Variants in MBOAT1 observed in about 807,000 individuals in gnomAD.
MBOAT1 encodes membrane bound glycerophospholipid O-acyltransferase 1, also known as membrane-bound glycerophospholipid O-acyltransferase 1.
A neutral mutation model predicts 64.4 loss-of-function variants in MBOAT1; 67 were observed. That is an observed-to-expected ratio of 1.04 (90% CI 0.85 to 1.27). The LOEUF (loss-of-function observed/expected upper bound fraction) is 1.27. Among genes scored for constraint, MBOAT1 ranks in the 50% most tolerant of loss-of-function variants. The pLI is 0.00. For missense variants in MBOAT1, 563 were observed against 604.6 expected (o/e 0.93, Z 0.72); for synonymous variants, 229 against 218.9 (o/e 1.05, Z -0.41).
intron 1 of MBOAT1, among the ~76,000 whole-genome samples, chr6:20,202,140 C>T (rs1334153023): frequency 6.6e-6 from 1 of 152,090 alleles, no homozygotes; most frequent in East Asian, 1.9e-4. Context: ...CAACCTTTTG[C>T]TGTGTACCTT....
chr6:20,143,093 G>A (rs1240646544), intron 4 of MBOAT1, among the ~76,000 whole-genome samples: 1 of 152,194 alleles, frequency 6.6e-6, no homozygotes, highest in Non-Finnish European at 1.5e-5. Context: ...AGGAGGTACA[G>A]TCCAACCTGA....
chr6:20,160,599 C>A (rs992324511), intron 1 of MBOAT1, among the ~76,000 whole-genome samples: 1 of 152,190 alleles, frequency 6.6e-6, no homozygotes, highest in Non-Finnish European at 1.5e-5. Context: ...AATAAACATT[C>A]GGCAACACTG....
At chr6:20,162,803 C>G (rs1761901126) in intron 1 of MBOAT1, among the ~76,000 whole-genome samples, 2 of 152,184 alleles carry the variant, frequency 1.3e-5, no homozygotes, top group African/African-American at 4.8e-5. Flanking sequence ...ACTGATAGAG[C>G]TGAAAGTCCT....
chr6:20,152,637 A>G lies in MBOAT1; in HGVS notation c.232T>C (p.Phe78Leu), dbSNP rs1173879120. Reference sequence around the variant, plus strand: ...GCTCATACTCACCAGCCGAAACAAAAGATGACAAAATAGATGCCAAAAATG... The same window carrying G: ...GCTCATACTCACCAGCCGAAACAAAGGATGACAAAATAGATGCCAAAAATG... ...ATIFGIYFVIFCFGWYSVHLF... is the reference protein window; with the variant it reads ...ATIFGIYFVILCFGWYSVHLF... The change falls in exon 2 of 13, where the codon TTT (phenylalanine) becomes CTT (leucine). Residue 78 changes from phenylalanine to leucine, a missense_variant. Transcript: ENST00000324607. 6.2e-7 allele frequency: 1 copy of G among 1,609,882 alleles called. No individual in the cohort carries two copies. Among genetic ancestry groups the G allele is most frequent in the East Asian group, 2.2e-5 (1 of 44,578 alleles).
intron 5 of MBOAT1, among the ~76,000 whole-genome samples, 173 bp from the exon 6 acceptor site, chr6:20,128,926 A>G (rs1359419456): frequency 2.0e-5 from 3 of 152,126 alleles, no homozygotes; most frequent in Non-Finnish European, 4.4e-5. Context: ...AGAGCTACCC[A>G]TAAGTACACG....
chr6:20,190,014 CGA>C (rs1192056057), intron 1 of MBOAT1, among the ~76,000 whole-genome samples: 2 of 150,344 alleles, frequency 1.3e-5, no homozygotes, highest in Non-Finnish European at 3.0e-5. Flanking sequence ...TTACCTTTTT[CGA>C]GAGAGTCTCA....
Position 20,131,169 on chromosome 6 carries a change from T to TG in MBOAT1, c.449dup (p.Thr151AsnfsTer8). The stretch of plus-strand genomic sequence containing the variant: ...CATCATGAACCTGGAATGCCAAGGT[T>TG]GTGATCTTCTGAGTGACAATCATCA... On this transcript the variant is annotated frameshift_variant, in exon 5 of 13. Coordinates refer to ENST00000324607, the MANE Select transcript of MBOAT1 (RefSeq NM_001080480.3). LOFTEE classifies it high-confidence loss of function. The TG allele has an allele frequency of 6.2e-7, 1 of 1,613,988 alleles. No homozygotes were observed. Among genetic ancestry groups the TG allele is most frequent in the East Asian group, 2.2e-5 (1 of 44,884 alleles).
rs1035078797 is a variant in MBOAT1, at chr6:20,100,501, T to A, written c.*1785A>T. ...GACTCATGCACTAGCTCACATCTAC[T>A]ACTTCTTAACTTCCACTGTCCCAAA... is the stretch of plus-strand genomic sequence containing the variant. On this transcript the variant is annotated 3_prime_UTR_variant, in exon 13 of 13. Coordinates refer to ENST00000324607, the MANE Select transcript of MBOAT1 (RefSeq NM_001080480.3). Among the ~76,000 whole-genome samples the A allele has an allele frequency of 1.6e-4, 24 of 152,308 alleles. No individual in the cohort carries two copies. Among genetic ancestry groups the A allele is most frequent in the African/African-American group, 5.8e-4 (24 of 41,582 alleles).
chr6:20,139,642 C>T (rs1761112249), intron 4 of MBOAT1, among the ~76,000 whole-genome samples: 1 of 147,280 alleles, frequency 6.8e-6, no homozygotes, highest in Middle Eastern at 3.2e-3. Context: ...CAGCCTTGAC[C>T]TCCTGGGCTC....
intron 1 of MBOAT1, among the ~76,000 whole-genome samples, chr6:20,161,377 G>C (rs1166666826): frequency 3.3e-5 from 5 of 151,976 alleles, no homozygotes; most frequent in Non-Finnish European, 7.4e-5. Flanking sequence ...AATAAGAATA[G>C]AAATAAAGTG....
intron 11 of MBOAT1, among the ~76,000 whole-genome samples, chr6:20,110,071 T>G (rs1046939053): frequency 6.6e-6 from 1 of 151,006 alleles, no homozygotes; most frequent in African/African-American, 2.4e-5. Flanking sequence ...CTCTATGCCC[T>G]GCTAATTTTT....
At chr6:20,173,215 C>T (rs557980179) in intron 1 of MBOAT1, among the ~76,000 whole-genome samples, 1 of 152,296 alleles carries the variant, frequency 6.6e-6, no homozygotes, top group Admixed American at 6.5e-5. Flanking sequence ...TACCCACTCT[C>T]AGGTATTGCT....
intron 4 of MBOAT1, among the ~76,000 whole-genome samples, chr6:20,134,810 A>C (rs1760928471): frequency 6.6e-6 from 1 of 151,956 alleles, no homozygotes; most frequent in South Asian, 2.1e-4. Context: ...TACTGACTTA[A>C]GATAAAACTT....
intron 3 of MBOAT1, among the ~76,000 whole-genome samples, chr6:20,149,936 G>A (rs1441957988): frequency 1.3e-5 from 2 of 152,206 alleles, no homozygotes; most frequent in Non-Finnish European, 2.9e-5. Context: ...TCTTTTAAAA[G>A]TAATTCAGTC....
At chr6:20,207,216 C>T (rs911987118) in intron 1 of MBOAT1, among the ~76,000 whole-genome samples, 1 of 152,236 alleles carries the variant, frequency 6.6e-6, no homozygotes, top group Non-Finnish European at 1.5e-5. Flanking sequence ...TAACCCTGCA[C>T]TCATCCGCAA....
intron 12 of MBOAT1, among the ~76,000 whole-genome samples, chr6:20,109,159 T>C (rs1381281515): frequency 1.3e-5 from 2 of 152,082 alleles, no homozygotes; most frequent in East Asian, 3.9e-4. Context: ...AGGGAGTCCT[T>C]CTGCACACCA....
chr6:20,119,261 A>G (rs1372745010), intron 8 of MBOAT1, among the ~76,000 whole-genome samples: 1 of 152,214 alleles, frequency 6.6e-6, no homozygotes, highest in East Asian at 1.9e-4. Flanking sequence ...TTCTATCTTT[A>G]TCTTATGCCA....
chr6:20,152,263 G>T (rs1761515373), intron 2 of MBOAT1, among the ~76,000 whole-genome samples: 1 of 151,676 alleles, frequency 6.6e-6, no homozygotes, highest in African/African-American at 2.4e-5. Flanking sequence ...GGAGGCGGAG[G>T]TCGCAGTGAG....
chr6:20,118,297 C>T, intron 9 of MBOAT1, 140 bp downstream of exon 9: 1 of 662,028 alleles, frequency 1.5e-6, no homozygotes, highest in Non-Finnish European at 2.6e-6. Flanking sequence ...GCAAAATGTC[C>T]AGTAGGCTGC....
Sources: allele counts gnomAD v4.1 joint callset (sites outside exome capture counted in the v4.1 genomes callset), GRCh38; gene constraint gnomAD v4.1.1; transcripts MANE v1.5; gene names NCBI Gene and HGNC (gene_info 2026-07-23, HGNC 2026-07-21).